Variants in MRPL42 observed in about 807,000 individuals in gnomAD.
MRPL42 encodes large ribosomal subunit protein mL42.
A neutral mutation model predicts 17.9 loss-of-function variants in MRPL42; 17 were observed. That is an observed-to-expected ratio of 0.95 (90% CI 0.65 to 1.42). MRPL42 has a LOEUF of 1.42. Among genes scored for constraint, MRPL42 ranks in the 40% most tolerant of loss-of-function variants. The pLI, the probability that MRPL42 is intolerant of heterozygous loss-of-function variation, is 0.00. For synonymous variants in MRPL42, 59 were observed against 54.4 expected, an observed-to-expected ratio of 1.08 and a Z score of -0.37; for missense variants, 177 against 175.2, an observed-to-expected ratio of 1.01 and a Z score of -0.06.
Position 93,470,500 on chromosome 12 carries a change from G to T in MRPL42, c.70+1145G>T, listed in dbSNP as rs987343628. 4 of 1,291,470 alleles carry T rather than the reference G, an allele frequency of 3.1e-6. No homozygotes were observed. The South Asian group carries it at 5.1e-5, about 16-fold the overall frequency. The allele number at this position is 1,291,470 out of a possible 1,614,324, so 80.0% of individuals were successfully genotyped here. A position where few individuals can be genotyped will look rare whatever the true frequency, so the allele number is the denominator to read the frequency against. ...TTTTATTTTAGATTCGGGCGTACAT[G>T]TGCAGGTTTGTTACGTGGATGTATT... On this transcript the variant is annotated intron_variant, in intron 2 of 5. Transcript: ENST00000549982.
At chr12:93,500,932 G>A in intron 5 of MRPL42, 1 of 374,878 alleles carries the variant, frequency 2.7e-6, no homozygotes, top group Non-Finnish European at 4.9e-6. Context: ...AATAACCTCT[G>A]CACTTCAGCC....
At chr12:93,476,428 C>A (rs973681569) in intron 2 of MRPL42, among the ~76,000 whole-genome samples, 1 of 152,214 alleles carries the variant, frequency 6.6e-6, no homozygotes, top group African/African-American at 2.4e-5. Context: ...CTTGGCCTCC[C>A]AAAGTGTTGG....
intron 5 of MRPL42, chr12:93,500,971 G>GAA (rs1205686520): frequency 5.3e-5 from 21 of 392,694 alleles, no homozygotes; most frequent in Non-Finnish European, 7.0e-5. Context: ...CCAGTCTCTA[G>GAA]AAAAAAAAAA....
rs1953683086 is a variant in MRPL42 at position 93,507,460 on chromosome 12, T to A, written c.*6239T>A. On this transcript the variant is annotated 3_prime_UTR_variant, in exon 6 of 6. Coordinates refer to ENST00000549982, the MANE Select transcript of MRPL42 (RefSeq NM_014050.4). ...GATTTAATAACTTGCTTATAAGTGT[T>A]TAAAATGACTTAATGGGTTCTATCT... 1 of 152,256 alleles carries A rather than the reference T, an allele frequency of 6.6e-6. No homozygotes were observed. Among genetic ancestry groups the A allele is most frequent in the Admixed American group, 6.5e-5 (1 of 15,282 alleles). The allele number at this position is 152,256 out of a possible 1,614,324, so 9.4% of individuals were successfully genotyped here. A position where few individuals can be genotyped will look rare whatever the true frequency, so the allele number is the denominator to read the frequency against.
At chr12:93,477,119 ATTC>A (rs1880220890) in intron 3 of MRPL42, 102 bp downstream of exon 3, 1 of 847,146 alleles carries the variant, frequency 1.2e-6, no homozygotes, top group African/African-American at 1.8e-5. Flanking sequence ...TTTTCTCATT[ATTC>A]TTTCCTTAAT....
chr12:93,475,739 C>G (rs1017910847), intron 2 of MRPL42, among the ~76,000 whole-genome samples: 4 of 152,006 alleles, frequency 2.6e-5, no homozygotes, highest in Admixed American at 2.0e-4. Context: ...AATCCCAGCA[C>G]TTTGGGAGGC....
intron 3 of MRPL42, among the ~76,000 whole-genome samples, chr12:93,478,686 G>A (rs9943803): frequency 0.27 from 40,862 of 152,014 alleles, 6,678 homozygotes; most frequent in Non-Finnish European, 0.38. Context: ...TGAAGAAATC[G>A]TTTGACAGAT....
At chr12:93,467,882 G>T (rs1879709130) in intron 1 of MRPL42, among the ~76,000 whole-genome samples, 1 of 152,118 alleles carries the variant, frequency 6.6e-6, no homozygotes, top group Non-Finnish European at 1.5e-5. Flanking sequence ...TTTGTTTTGG[G>T]GTTGAATTCC....
intron 2 of MRPL42, among the ~76,000 whole-genome samples, chr12:93,473,149 C>A (rs1240595172): frequency 6.6e-6 from 1 of 152,202 alleles, no homozygotes; most frequent in Non-Finnish European, 1.5e-5. Flanking sequence ...TCTTTTGGCA[C>A]ATTGAGCTTA....
In MRPL42 at chr12:93,507,359, A is replaced by G. The variant is rs1317398885; in HGVS notation, c.*6138A>G. The stretch of plus-strand genomic sequence containing the variant: ...AAATAACTCCTTACTTGTCAGTTTC[A>G]GCCTTCACTTTTAGTTTCTTTTTCT... On this transcript the variant is annotated 3_prime_UTR_variant, in exon 6 of 6. Transcript: ENST00000549982. 6.6e-6 allele frequency: 1 copy of G among 152,228 alleles called. No homozygotes were observed. The highest frequency in any genetic ancestry group is 1.5e-5 in the Non-Finnish European group (1 of 68,040). The allele number at this position is 152,228 out of a possible 1,614,324, so 9.4% of individuals were successfully genotyped here. A position where few individuals can be genotyped will look rare whatever the true frequency, so the allele number is the denominator to read the frequency against.
rs986926007 is a variant in MRPL42 at position 93,500,988 on chromosome 12, G to C, written c.384-188G>C. ...AGTCTCTAGAAAAAAAAAATGATTA[G>C]GTAAAGAAAAGAAAACAAATTTTCA... On this transcript the variant is annotated intron_variant, in intron 5 of 5. Coordinates refer to ENST00000549982, the MANE Select transcript of MRPL42 (RefSeq NM_014050.4). The C allele has an allele frequency of 1.8e-5, 9 of 496,282 alleles. No individual in the cohort carries two copies. The African/African-American group carries it at 1.8e-4, about 10-fold the overall frequency. 30.7% of individuals were successfully genotyped at this position (496,282 alleles called of 1,614,324 possible).
At chr12:93,492,765 T>C (rs562150045) in intron 5 of MRPL42, among the ~76,000 whole-genome samples, 2 of 152,352 alleles carry the variant, frequency 1.3e-5, no homozygotes, top group South Asian at 4.1e-4. Context: ...TTCTAAAATA[T>C]GCTCAATAAA....
chr12:93,470,625 C>G (rs1481822664), intron 2 of MRPL42: 5 of 1,085,192 alleles, frequency 4.6e-6, no homozygotes, highest in Non-Finnish European at 6.0e-6. Context: ...TCCCTCCATT[C>G]TGTTTTGAGT....
At chr12:93,469,493 T>G in intron 2 of MRPL42, 138 bp downstream of exon 2, 1 of 634,714 alleles carries the variant, frequency 1.6e-6, no homozygotes, top group South Asian at 2.1e-5. Context: ...AACCTAAATG[T>G]CAGTCAGAAG....
chr12:93,495,203 G>C (rs781334746), intron 5 of MRPL42, among the ~76,000 whole-genome samples: 2 of 152,140 alleles, frequency 1.3e-5, no homozygotes, highest in Non-Finnish European at 2.9e-5. Context: ...TTTTGTGGTT[G>C]TGTGTCTTTA....
At chr12:93,483,562 A>G (rs1471645535) in intron 4 of MRPL42, among the ~76,000 whole-genome samples, 1 of 152,186 alleles carries the variant, frequency 6.6e-6, no homozygotes, top group East Asian at 1.9e-4. Context: ...GCTATAAAAG[A>G]TAAAATGTAA....
intron 3 of MRPL42, among the ~76,000 whole-genome samples, chr12:93,478,910 TTTTA>T (rs142505304): frequency 0.13 from 11,529 of 91,410 alleles, 873 homozygotes; most frequent in African/African-American, 0.23. Context: ...TAATTTTAGC[TTTTA>T]TTTATTTATT....
rs187105299 is a variant in MRPL42, at chr12:93,501,945, A to T, written c.*724A>T. ...AGGCCCCTTCCATCAATTCTTATTA[A>T]ATTCTCAAAATAATCCTTTGAAAAG... is the stretch of plus-strand genomic sequence containing the variant. On this transcript the variant is annotated 3_prime_UTR_variant, in exon 6 of 6. Transcript: ENST00000549982. 38 of 126,650 alleles carry T rather than the reference A, an allele frequency of 3.0e-4. No homozygotes were observed. The highest frequency in any genetic ancestry group is 9.3e-4 in the African/African-American group (36 of 38,776). The allele number at this position is 126,650 out of a possible 1,614,324, so 7.8% of individuals were successfully genotyped here.
intron 5 of MRPL42, among the ~76,000 whole-genome samples, chr12:93,489,936 C>G (rs1434853289): frequency 6.6e-6 from 1 of 152,238 alleles, no homozygotes; most frequent in African/African-American, 2.4e-5. Flanking sequence ...AATTAGGAAA[C>G]CATCTCATAG....
Sources: gnomAD v4.1 joint callset for allele counts (sites outside exome capture counted in the v4.1 genomes callset) on GRCh38, gnomAD v4.1.1 for gene constraint, MANE v1.5 for transcripts, NCBI Gene and HGNC (gene_info 2026-07-23, HGNC 2026-07-21) for gene names.